The following PRR5L variants were observed in gnomAD, a reference collection of about 807,000 sequenced individuals.
PRR5L encodes proline rich 5 like.
Under a neutral mutation model 36.4 loss-of-function variants are expected in PRR5L, and 21 were observed. The observed-to-expected ratio is 0.58, with a 90% CI of 0.41 to 0.83. The LOEUF is 0.83. PRR5L is among the 40% of genes least tolerant of loss of function. PRR5L has a pLI of 0.00. For missense variants in PRR5L, 381 were observed against 473.3 expected (o/e 0.80, Z 1.81); for synonymous variants, 188 against 197.0 (o/e 0.95, Z 0.38).
chr11:36,440,728 C>T (rs569357148), intron 6 of PRR5L, among the ~76,000 whole-genome samples: 1 of 152,168 alleles, frequency 6.6e-6, no homozygotes, highest in Non-Finnish European at 1.5e-5. Context: ...TTGTTTGGCT[C>T]ATGGTTCTGT....
chr11:36,447,482 A>T (rs939379502), intron 7 of PRR5L, among the ~76,000 whole-genome samples: 3 of 152,214 alleles, frequency 2.0e-5, no homozygotes, highest in African/African-American at 7.2e-5. Flanking sequence ...ATTCTCGACG[A>T]GTAGGGTTTT....
intron 1 of PRR5L, among the ~76,000 whole-genome samples, chr11:36,355,191 CA>C (rs1312624958): frequency 1.3e-5 from 2 of 152,142 alleles, no homozygotes; most frequent in African/African-American, 4.8e-5. Context: ...GAAGGATGTC[CA>C]AGACAGCAAT....
chr11:36,346,309 C>T (rs1052620730), intron 1 of PRR5L, among the ~76,000 whole-genome samples: 5 of 152,090 alleles, frequency 3.3e-5, no homozygotes, highest in African/African-American at 1.2e-4. Context: ...TTAGGCCGAG[C>T]GTGGTGGCTC....
At chr11:36,348,817 CTACTT>C (rs1411633499) in intron 1 of PRR5L, among the ~76,000 whole-genome samples, 11 of 152,194 alleles carry the variant, frequency 7.2e-5, no homozygotes, top group Non-Finnish European at 1.6e-4. Context: ...ACCAATGTCT[CTACTT>C]TACTGATGAG....
chr11:36,446,792 A>T (rs1858841328), intron 7 of PRR5L, among the ~76,000 whole-genome samples: 8 of 152,198 alleles, frequency 5.3e-5, no homozygotes, highest in Admixed American at 5.2e-4. Flanking sequence ...GCTTAAGCAG[A>T]TGAGGAACTC....
intron 3 of PRR5L, among the ~76,000 whole-genome samples, chr11:36,418,752 CGCCACTGCACTCCA>C (rs1272580720): frequency 6.6e-6 from 1 of 151,938 alleles, no homozygotes; most frequent in Non-Finnish European, 1.5e-5. Context: ...GCCAAGATTG[CGCCACTGCACTCCA>C]GCCTGGGAGA....
At chr11:36,405,972 A>C (rs540776269) in intron 3 of PRR5L, among the ~76,000 whole-genome samples, 2 of 152,230 alleles carry the variant, frequency 1.3e-5, no homozygotes, top group South Asian at 4.2e-4. Context: ...AATCCCATCA[A>C]ATTGGGGGTT....
At chr11:36,434,952 C>T (rs574401761) in intron 5 of PRR5L, among the ~76,000 whole-genome samples, 2 of 152,262 alleles carry the variant, frequency 1.3e-5, no homozygotes, top group East Asian at 3.9e-4. Flanking sequence ...AGCATCCTGT[C>T]TTGGCATTGA....
intron 1 of PRR5L, among the ~76,000 whole-genome samples, chr11:36,354,210 A>T (rs1449029349): frequency 6.6e-6 from 1 of 152,258 alleles, no homozygotes; most frequent in Non-Finnish European, 1.5e-5. Flanking sequence ...CGAAACAAAA[A>T]TAAGATAATA....
intron 1 of PRR5L, among the ~76,000 whole-genome samples, chr11:36,358,996 G>A (rs1250001760): frequency 6.6e-6 from 1 of 152,162 alleles, no homozygotes; most frequent in Non-Finnish European, 1.5e-5. Flanking sequence ...TCAGTGGTTG[G>A]ATTTTCAGTA....
At chr11:36,407,860 T>A (rs914375048) in intron 3 of PRR5L, among the ~76,000 whole-genome samples, 4 of 152,194 alleles carry the variant, frequency 2.6e-5, no homozygotes, top group African/African-American at 9.7e-5. Flanking sequence ...GAAAATAGAC[T>A]CTAGTTTAAA....
At chr11:36,441,545 T>C (rs1564950401) in intron 6 of PRR5L, among the ~76,000 whole-genome samples, 1 of 152,188 alleles carries the variant, frequency 6.6e-6, no homozygotes, top group Non-Finnish European at 1.5e-5. Flanking sequence ...CTCTCACAGA[T>C]TGGAGTTGAG....
chr11:36,343,997 A>G (rs1196251244), intron 1 of PRR5L, among the ~76,000 whole-genome samples: 2 of 151,878 alleles, frequency 1.3e-5, no homozygotes, highest in Non-Finnish European at 2.9e-5. Flanking sequence ...CGGGTGGATC[A>G]CCTGAAGTCA....
At chr11:36,345,095 G>A (rs1395452128) in intron 1 of PRR5L, among the ~76,000 whole-genome samples, 1 of 152,172 alleles carries the variant, frequency 6.6e-6, no homozygotes, top group African/African-American at 2.4e-5. Context: ...AGGTCAGGGT[G>A]AGAGCAGCGG....
chr11:36,302,890 G>A (rs567364546), intron 1 of PRR5L, among the ~76,000 whole-genome samples: 52 of 152,276 alleles, frequency 3.4e-4, no homozygotes, highest in African/African-American at 1.1e-3. Flanking sequence ...ATATGAGTTC[G>A]CCTAATCCTC....
At chr11:36,407,780 T>C (rs368697753) in intron 3 of PRR5L, among the ~76,000 whole-genome samples, 12 of 152,306 alleles carry the variant, frequency 7.9e-5, no homozygotes, top group African/African-American at 2.6e-4. Context: ...GGAAGGTAGA[T>C]GTTTTATGTA....
chr11:36,447,964 C>T lies in PRR5L; in HGVS notation c.585+1524C>T, dbSNP rs57808918. ...CCTTTGGGATTCTGATAGGAAAATT[C>T]GGAAAGTTGGGCTCCCATCTTCCCA... is the stretch of plus-strand genomic sequence containing the variant. On this transcript the variant is annotated intron_variant, in intron 7 of 8. Coordinates refer to ENST00000530639, the MANE Select transcript of PRR5L (RefSeq NM_001160167.2). Among the ~76,000 whole-genome samples the T allele has an allele frequency of 3.2e-4, 48 of 152,218 alleles. No individual in the cohort carries two copies. The East Asian group carries it at 8.1e-3, about 26-fold the overall frequency.
chr11:36,314,275 GT>G (rs1856532794), intron 1 of PRR5L, among the ~76,000 whole-genome samples: 1 of 152,090 alleles, frequency 6.6e-6, no homozygotes, highest in African/African-American at 2.4e-5. Context: ...AGGACAGCTG[GT>G]CCCTTGGGCT....
At chr11:36,428,916 C>G (rs1433365537) in intron 4 of PRR5L, among the ~76,000 whole-genome samples, 1 of 151,924 alleles carries the variant, frequency 6.6e-6, no homozygotes, top group Non-Finnish European at 1.5e-5. Flanking sequence ...CCCTTCTAAC[C>G]TCAAGTTTGT....
Sources: gnomAD v4.1 joint callset for allele counts (sites outside exome capture counted in the v4.1 genomes callset) on GRCh38, gnomAD v4.1.1 for gene constraint, MANE v1.5 for transcripts, NCBI Gene and HGNC (gene_info 2026-07-23, HGNC 2026-07-21) for gene names.